Variants in MPRIP observed in about 807,000 individuals in gnomAD.
The protein encoded by MPRIP is myosin phosphatase Rho interacting protein, also known as myosin phosphatase Rho-interacting protein.
A neutral mutation model predicts 234.9 loss-of-function variants in MPRIP; 59 were observed. The ratio of observed to expected loss-of-function variants is 0.25; its 90% confidence interval spans 0.20 to 0.31. The LOEUF is 0.31. Among genes scored for constraint, MPRIP ranks in the 10% least tolerant of loss-of-function variants. The pLI, the probability that MPRIP is intolerant of heterozygous loss-of-function variation, is 1.00. For synonymous variants in MPRIP, 1,144 were observed against 1,263.9 expected, an observed-to-expected ratio of 0.91 and a Z score of 2.01; for missense variants, 2,436 against 3,071.0, an observed-to-expected ratio of 0.79 and a Z score of 4.89.
At chr17:17,152,514 G>A (rs1340450569) in intron 12 of MPRIP, among the ~76,000 whole-genome samples, 1 of 152,246 alleles carries the variant, frequency 6.6e-6, no homozygotes, top group African/African-American at 2.4e-5. Context: ...GATGCTTCCA[G>A]TGTGGAGAAG....
At chr17:17,108,005 A>G (rs2090095762) in intron 3 of MPRIP, among the ~76,000 whole-genome samples, 1 of 152,182 alleles carries the variant, frequency 6.6e-6, no homozygotes. Context: ...ACATACCTGC[A>G]AGGGCCATTT....
In MPRIP at chr17:17,166,850, C is replaced by T. The variant is rs1261957634; in HGVS notation, c.5259C>T (p.Val1753=). ...GGGACCTGAGCCCCTTAGGAGAAGT[C>T]CTGGGCCGAGACTCAGACAGCTCTC... ...LSWDLSPLGE[V]LGRDSDSSQE... The change falls in exon 16 of 24, where the codon GTC becomes GTT. Residue 1753 remains valine (V), a synonymous_variant. Coordinates refer to ENST00000651222, the MANE Select transcript of MPRIP (RefSeq NM_001364716.4). This position sits in a 1 kb window ranked among gnomAD's most constrained non-coding sequence, Gnocchi z 4.4. 4.8e-5 allele frequency: 62 copies of T among 1,304,006 alleles called. No individual in the cohort carries two copies. The highest frequency in any genetic ancestry group is 6.1e-5 in the Non-Finnish European group (60 of 988,952). 80.8% of individuals were successfully genotyped at this position (1,304,006 alleles called of 1,614,324 possible).
intron 3 of MPRIP, among the ~76,000 whole-genome samples, chr17:17,118,941 C>T (rs1181579323): frequency 2.6e-5 from 4 of 152,170 alleles, no homozygotes; most frequent in Non-Finnish European, 5.9e-5. Flanking sequence ...CCAGCACCTC[C>T]TCAAAAGAGA....
chr17:17,063,588 G>A (rs1196617774), intron 1 of MPRIP, among the ~76,000 whole-genome samples: 1 of 152,140 alleles, frequency 6.6e-6, no homozygotes, highest in African/African-American at 2.4e-5. Flanking sequence ...TCGACTGTTT[G>A]AGGCCTGCCC....
intron 19 of MPRIP, 103 bp downstream of exon 19, chr17:17,174,178 C>T (rs1228787105): frequency 3.3e-5 from 46 of 1,383,926 alleles, no homozygotes; most frequent in Non-Finnish European, 4.3e-5. Context: ...CAGGCCTCAC[C>T]CTCAAAGTGG....
At chr17:17,123,703 CAAAAAAAAAAAAA>C (rs371753802) in intron 3 of MPRIP, among the ~76,000 whole-genome samples, 21 of 59,296 alleles carry the variant, frequency 3.5e-4, no homozygotes, top group Admixed American at 3.4e-3. Flanking sequence ...GACTTCGTCT[CAAAAAAAAAAAAA>C]AAAAAAAAGA....
chr17:17,082,580 C>G (rs945940784), intron 3 of MPRIP, among the ~76,000 whole-genome samples: 1 of 152,178 alleles, frequency 6.6e-6, no homozygotes, highest in Non-Finnish European at 1.5e-5. Flanking sequence ...CAGGCATGAG[C>G]CACCGTGCCC....
At position 17,167,696 on chromosome 17, in the gene MPRIP, C is replaced by G. The variant is rs776001089; in HGVS notation, c.6105C>G (p.Leu2035=). The part of the protein sequence containing the change: ...SQSLRCLQDT[L]CLHQGPHPKA... ...GCCTGAGGTGCCTTCAGGACACCCT[C>G]TGCCTCCACCAGGGGCCACACCCCA... The change falls in exon 16 of 24, where the codon CTC becomes CTG. Residue 2035 remains leucine, a synonymous_variant. Coordinates refer to ENST00000651222, the MANE Select transcript of MPRIP (RefSeq NM_001364716.4). This position sits in a 1 kb window ranked among gnomAD's most constrained non-coding sequence, Gnocchi z 5.9. 1.2e-4 allele frequency: 159 copies of G among 1,304,084 alleles called. No homozygotes were observed. The highest frequency in any genetic ancestry group is 1.0e-4 in the Non-Finnish European group (99 of 988,964). The allele number at this position is 1,304,084 out of a possible 1,614,324, so 80.8% of individuals were successfully genotyped here.
chr17:17,072,050 G>A (rs1362223180), intron 1 of MPRIP, among the ~76,000 whole-genome samples: 12 of 152,176 alleles, frequency 7.9e-5, no homozygotes, highest in Admixed American at 5.9e-4. Context: ...ATTATTATAG[G>A]ACCGTCTGGA....
intron 3 of MPRIP, among the ~76,000 whole-genome samples, chr17:17,084,848 G>T (rs1380888163): frequency 6.6e-6 from 1 of 152,146 alleles, no homozygotes; most frequent in African/African-American, 2.4e-5. Flanking sequence ...TTTGCTACAT[G>T]GGCATATGAA....
At chr17:17,151,620 G>C (rs553438482) in intron 12 of MPRIP, among the ~76,000 whole-genome samples, 10 of 152,328 alleles carry the variant, frequency 6.6e-5, no homozygotes, top group Admixed American at 5.9e-4. Flanking sequence ...CTAATTTCCT[G>C]CTTCTGGCCA....
intron 12 of MPRIP, among the ~76,000 whole-genome samples, chr17:17,151,009 C>CTTATTATTA (rs57859773): frequency 0.088 from 12,824 of 145,248 alleles, 914 homozygotes; most frequent in East Asian, 0.21. Context: ...CCATGCCCAG[C>CTTATTATTA]TTATTATTAT....
At chr17:17,096,715 G>C (rs2089854396) in intron 3 of MPRIP, 1 of 470,630 alleles carries the variant, frequency 2.1e-6, no homozygotes, top group South Asian at 1.6e-5. Flanking sequence ...GCTCAGCCCT[G>C]TCCTTACCCA....
chr17:17,152,321 A>G (rs780575829), intron 12 of MPRIP, among the ~76,000 whole-genome samples: 4 of 152,234 alleles, frequency 2.6e-5, no homozygotes, highest in African/African-American at 4.8e-5. Context: ...TCCCATCTTC[A>G]TGAGCAGCTT....
At chr17:17,093,452 A>T (rs1028040576) in intron 3 of MPRIP, among the ~76,000 whole-genome samples, 12 of 152,126 alleles carry the variant, frequency 7.9e-5, no homozygotes, top group Admixed American at 7.2e-4. Flanking sequence ...CATTGGTGTG[A>T]TAGTGGGGCA....
intron 1 of MPRIP, among the ~76,000 whole-genome samples, chr17:17,050,813 T>A (rs1220158894): frequency 6.6e-6 from 1 of 151,694 alleles, no homozygotes; most frequent in African/African-American, 2.4e-5. Flanking sequence ...GCCTCAGGCC[T>A]GTCCTGTGGG....
rs562231480 is a variant in MPRIP at position 17,138,109 on chromosome 17, C to T, written c.930C>T (p.Leu310=). Residue 310 remains leucine, a synonymous_variant, in exon 7 of 24, where the codon CTC becomes CTT. Transcript: ENST00000651222. The surrounding 1 kb of genome is among the most constrained non-coding windows in gnomAD (Gnocchi z 5.8). ...GCCCCGAGTCGCCCTCCCAGGAGCT[C>T]GGTGGTCCTCTTCCTTCCCCAGGTC... is the stretch of plus-strand genomic sequence containing the variant. ...YSCPESPSQE[L]GGPLPSPGPR... 6.0e-5 allele frequency: 93 copies of T among 1,543,600 alleles called. 1 individual carries two copies. Among genetic ancestry groups the T allele is most frequent in the Non-Finnish European group, 7.6e-5 (87 of 1,142,970 alleles).
At chr17:17,047,752 A>T (rs1372486556) in intron 1 of MPRIP, among the ~76,000 whole-genome samples, 1 of 152,130 alleles carries the variant, frequency 6.6e-6, no homozygotes, top group Non-Finnish European at 1.5e-5. Context: ...GGGGATGGGG[A>T]GGGGTAAAAA....
chr17:17,101,819 AG>A (rs2089967644), intron 3 of MPRIP, among the ~76,000 whole-genome samples: 1 of 152,200 alleles, frequency 6.6e-6, no homozygotes, highest in Non-Finnish European at 1.5e-5. Context: ...CTGCAGTTCA[AG>A]TGCCCTTTCC....
Sources: gnomAD v4.1 joint callset for allele counts (sites outside exome capture counted in the v4.1 genomes callset) on GRCh38, gnomAD v4.1.1 for gene constraint, Gnocchi (gnomAD v3.1) non-coding constraint, MANE v1.5 for transcripts, NCBI Gene and HGNC (gene_info 2026-07-23, HGNC 2026-07-21) for gene names.